TRPM6: variants seen among roughly 807,000 people sequenced by gnomAD.
TRPM6 encodes the protein transient receptor potential cation channel subfamily M member 6.
Under a neutral mutation model 247.6 loss-of-function variants are expected in TRPM6, and 111 were observed. That is an observed-to-expected ratio of 0.45 (90% CI 0.38 to 0.52). The LOEUF (loss-of-function observed/expected upper bound fraction) is 0.52. Among genes scored for constraint, TRPM6 ranks in the 20% least tolerant of loss-of-function variants. The pLI, the probability that TRPM6 is intolerant of heterozygous loss-of-function variation, is 0.00. For synonymous variants in TRPM6, 892 were observed against 853.8 expected, an observed-to-expected ratio of 1.04 and a Z score of -0.78; for missense variants, 2,126 against 2,421.5, an observed-to-expected ratio of 0.88 and a Z score of 2.56.
At chr9:74,881,792 C>T (rs1445957510) in intron 1 of TRPM6, among the ~76,000 whole-genome samples, 1 of 152,106 alleles carries the variant, frequency 6.6e-6, no homozygotes, top group African/African-American at 2.4e-5. Flanking sequence ...ACTTTGGAAA[C>T]TGTACAAAAG....
At chr9:74,776,690 T>A (rs537650770) in intron 23 of TRPM6, among the ~76,000 whole-genome samples, 36 of 152,308 alleles carry the variant, frequency 2.4e-4, no homozygotes, top group Admixed American at 5.2e-4. Context: ...AATGTTGATA[T>A]TATAGAACTT....
intron 8 of TRPM6, among the ~76,000 whole-genome samples, chr9:74,820,916 CA>C (rs1313638858): frequency 4.6e-5 from 7 of 152,016 alleles, no homozygotes; most frequent in Admixed American, 1.3e-4. Context: ...TTAATAACCA[CA>C]CATCCAGGAT....
intron 1 of TRPM6, among the ~76,000 whole-genome samples, chr9:74,862,903 C>T (rs1252417210): frequency 6.6e-6 from 1 of 151,904 alleles, no homozygotes; most frequent in African/African-American, 2.4e-5. Context: ...ATCACTTGAA[C>T]CCAGGAGGCA....
chr9:74,785,729 T>C, intron 21 of TRPM6, 145 bp downstream of exon 21: 1 of 898,296 alleles, frequency 1.1e-6, no homozygotes, highest in Non-Finnish European at 1.8e-6. Flanking sequence ...TTCACCCTGT[T>C]AGCCAGGATG....
intron 2 of TRPM6, among the ~76,000 whole-genome samples, chr9:74,858,116 C>T (rs943091617): frequency 1.3e-5 from 2 of 152,178 alleles, no homozygotes; most frequent in Non-Finnish European, 2.9e-5. Context: ...ATTTATCGCT[C>T]GGTGGCTCAC....
intron 1 of TRPM6, among the ~76,000 whole-genome samples, chr9:74,877,996 G>A (rs895228181): frequency 5.3e-5 from 8 of 152,026 alleles, no homozygotes; most frequent in African/African-American, 1.9e-4. Flanking sequence ...CAGGGGCCTA[G>A]GGATCACCTG....
At chr9:74,827,565 A>G (rs1036548320) in intron 7 of TRPM6, 1 of 670,078 alleles carries the variant, frequency 1.5e-6, no homozygotes. Flanking sequence ...GGAAGGATGA[A>G]GACTTTAGTG....
intron 4 of TRPM6, among the ~76,000 whole-genome samples, chr9:74,840,828 CAAAAAAA>C (rs371038378): frequency 1.3e-3 from 141 of 108,402 alleles, no homozygotes; most frequent in African/African-American, 5.7e-3. Flanking sequence ...GACTCTGTCT[CAAAAAAA>C]AAAAAAAAAA....
In TRPM6 at chr9:74,843,623, G is replaced by A. The variant is rs540271728; in HGVS notation, c.153-1280C>T. Among the ~76,000 whole-genome samples the A allele has an allele frequency of 2.2e-4, 33 of 151,382 alleles. No homozygotes were observed. The East Asian group carries it at 3.1e-3, about 14-fold the overall frequency. ...GGAGATCGAGACCATCCTGGCTAAC[G>A]TGGTGAAACCCCGTCTCTACTAAAA... is the stretch of plus-strand genomic sequence containing the variant. On this transcript the variant is annotated intron_variant, in intron 3 of 38. Transcript: ENST00000360774.
rs1262264148 is a variant in TRPM6, at chr9:74,786,128, A to G, written c.2668-3T>C. 32 of 1,614,024 alleles carry G rather than the reference A, an allele frequency of 2.0e-5. No individual in the cohort carries two copies. Among genetic ancestry groups the G allele is most frequent in the Non-Finnish European group, 2.6e-5 (31 of 1,179,980 alleles). ...TTCCCAGGTTCTGAAATACAGATCT[A>G]AAAGAAGGAAGAAGGAAACTTTAAA... On this transcript the variant is annotated splice_region_variant and splice_polypyrimidine_tract_variant and intron_variant, in intron 20 of 38. Transcript: ENST00000360774.
chr9:74,776,945 A>G (rs1827246635), intron 23 of TRPM6, among the ~76,000 whole-genome samples: 1 of 152,246 alleles, frequency 6.6e-6, no homozygotes, highest in Admixed American at 6.5e-5. Flanking sequence ...AATTTAGCAA[A>G]TAAAAACACA....
intron 27 of TRPM6, 37 bp downstream of exon 27, chr9:74,761,659 G>A (rs772819335): frequency 1.6e-5 from 21 of 1,338,856 alleles, no homozygotes; most frequent in Admixed American, 1.5e-4. Context: ...TACCTTGACT[G>A]CTCAAAACCT....
chr9:74,775,099 C>T (rs997559274), intron 24 of TRPM6, among the ~76,000 whole-genome samples: 1 of 152,098 alleles, frequency 6.6e-6, no homozygotes, highest in Non-Finnish European at 1.5e-5. Context: ...ACAATTAGTA[C>T]GATAGTCATA....
chr9:74,757,823 G>C (rs1826482092), intron 27 of TRPM6, among the ~76,000 whole-genome samples: 2 of 152,108 alleles, frequency 1.3e-5, no homozygotes, highest in African/African-American at 2.4e-5. Flanking sequence ...TGAGGTGGGA[G>C]AATCGCTTGA....
intron 25 of TRPM6, among the ~76,000 whole-genome samples, chr9:74,768,742 C>T (rs551261162): frequency 1.3e-5 from 2 of 152,360 alleles, no homozygotes; most frequent in East Asian, 3.9e-4. Context: ...CATCAGTGCA[C>T]TGCACTATTC....
intron 37 of TRPM6, 24 bp from the exon 38 acceptor site, chr9:74,728,369 A>C (rs750195867): frequency 6.7e-7 from 1 of 1,499,030 alleles, no homozygotes; most frequent in South Asian, 1.1e-5. Flanking sequence ...CAGAATATCA[A>C]TTAGATCACA....
Position 74,732,686 on chromosome 9 carries a change from G to A in TRPM6, c.5827C>T (p.Gln1943Ter). ...ATGATAACACATAAATTAACTTACTGTTTGACTTCAGGTTTTATAACAGAT... is the reference window on the plus strand; with the variant it reads ...ATGATAACACATAAATTAACTTACTATTTGACTTCAGGTTTTATAACAGAT... The part of the protein sequence containing the change: ...DPSVIKPEVK[Q>*]SRGMVFGPAN... The change falls in exon 37 of 39, where the codon CAA becomes TAA. Residue 1943 changes from glutamine (Q) to a stop codon, truncating the protein, a stop_gained and splice_region_variant. Transcript: ENST00000360774. LOFTEE classifies it high-confidence loss of function. 1 of 1,603,374 alleles carries A rather than the reference G, an allele frequency of 6.2e-7. No homozygotes were observed. Among genetic ancestry groups the A allele is most frequent in the Non-Finnish European group, 8.5e-7 (1 of 1,172,730 alleles).
chr9:74,850,627 G>T (rs189044778), intron 3 of TRPM6, among the ~76,000 whole-genome samples: 1 of 152,118 alleles, frequency 6.6e-6, no homozygotes, highest in East Asian at 1.9e-4. Flanking sequence ...GGCTGAGGAA[G>T]GAGAATTGCT....
intron 21 of TRPM6, among the ~76,000 whole-genome samples, 196 bp downstream of exon 21, chr9:74,785,678 A>G (rs531369952): frequency 4.1e-4 from 63 of 152,216 alleles, no homozygotes; most frequent in Non-Finnish European, 7.1e-4. Flanking sequence ...GCCCACCACC[A>G]TGCCCGGCTA....
Sources: gnomAD v4.1 joint callset for allele counts (sites outside exome capture counted in the v4.1 genomes callset) on GRCh38, gnomAD v4.1.1 for gene constraint, MANE v1.5 for transcripts, NCBI Gene and HGNC (gene_info 2026-07-23, HGNC 2026-07-21) for gene names.